The following HPS5 variants were observed in gnomAD, a reference collection of about 807,000 sequenced individuals.
HPS5 encodes the protein BLOC-2 complex member HPS5.
In HPS5, 83 loss-of-function variants were observed where a neutral mutation model predicts 128.0. The observed-to-expected ratio is 0.65, with a 90% CI of 0.54 to 0.78. The LOEUF (loss-of-function observed/expected upper bound fraction) is 0.78, where lower values mean the gene tolerates loss of function less well. Among genes scored for constraint, HPS5 ranks in the 30% least tolerant of loss-of-function variants. The probability of loss-of-function intolerance (pLI) is 0.00; values close to 1 mark genes in which losing one functional copy is unlikely to be tolerated. For synonymous variants in HPS5, 475 were observed against 470.2 expected, an observed-to-expected ratio of 1.01 and a Z score of -0.13; for missense variants, 1,281 against 1,326.2, an observed-to-expected ratio of 0.97 and a Z score of 0.53.
intron 1 of HPS5, among the ~76,000 whole-genome samples, chr11:18,319,253 T>TA (rs1864006936): frequency 5.8e-5 from 5 of 86,298 alleles, no homozygotes; most frequent in African/African-American, 2.6e-4. Flanking sequence ...AAAAGACAAA[T>TA]ACCACACACA....
intron 14 of HPS5, 106 bp from the exon 15 acceptor site, chr11:18,293,082 C>T (rs903748595): frequency 1.9e-5 from 16 of 864,856 alleles, no homozygotes; most frequent in African/African-American, 1.7e-4. Flanking sequence ...AGTGCAGTGA[C>T]GTGATCTCGG....
Position 18,285,421 on chromosome 11 carries a change from A to G in HPS5, c.2876T>C (p.Leu959Pro). Residue 959 changes from leucine (L) to proline (P), a missense_variant, in exon 20 of 23, where the codon CTG becomes CCG. Transcript: ENST00000349215. ...AGGAAGTTTAATTAGATGAAGGATC[A>G]GCTGACTGTAACCCCAGGAAAGCAA... ...SHLLSWGYSQ[L>P]ILHLIKLPAD... The G allele has an allele frequency of 6.2e-7, 1 of 1,613,468 alleles. No homozygotes were observed.
intron 11 of HPS5, 95 bp downstream of exon 11, chr11:18,297,464 A>C: frequency 8.5e-7 from 1 of 1,182,854 alleles, no homozygotes; most frequent in Non-Finnish European, 1.2e-6. Flanking sequence ...ATAAATGGAA[A>C]GGACAACAAA....
intron 6 of HPS5, 151 bp from the exon 7 acceptor site, chr11:18,306,498 G>C: frequency 1.6e-6 from 1 of 628,166 alleles, no homozygotes. Context: ...CAATAGAATG[G>C]AAAGATCAAA....
intron 8 of HPS5, among the ~76,000 whole-genome samples, chr11:18,304,697 T>G (rs1303237308): frequency 1.3e-5 from 2 of 152,216 alleles, no homozygotes; most frequent in African/African-American, 2.4e-5. Flanking sequence ...TATGACAACT[T>G]CATACAATAT....
intron 19 of HPS5, 43 bp from the exon 20 acceptor site, chr11:18,285,502 C>G (rs776546296): frequency 1.5e-6 from 2 of 1,326,694 alleles, no homozygotes; most frequent in Non-Finnish European, 2.2e-6. Context: ...AGGAAATAAA[C>G]TCTAGAAAAT....
chr11:18,297,560 T>C lies in HPS5; in HGVS notation c.1322A>G (p.His441Arg). 3 of 1,613,232 alleles carry C rather than the reference T, an allele frequency of 1.9e-6. No individual in the cohort carries two copies. Among genetic ancestry groups the C allele is most frequent in the Non-Finnish European group, 2.5e-6 (3 of 1,179,472 alleles). Residue 441 changes from histidine (H) to arginine (R), a missense_variant and splice_region_variant, in exon 11 of 23, where the codon CAT becomes CGT. Physicochemically the swap from His to Arg is conservative, Grantham distance 29. Coordinates refer to ENST00000349215, the MANE Select transcript of HPS5 (RefSeq NM_181507.2). ...TCCTTTAAAGGTGAGAATACTTACA[T>C]GTGATGAAATGGAGCTTCTTCTACT... is the stretch of plus-strand genomic sequence containing the variant. Reference protein sequence around the residue: ...CSSRRSSISSHESFSILDSGI... With the variant: ...CSSRRSSISSRESFSILDSGI...
Position 18,311,470 on chromosome 11 carries a change from T to C in HPS5, c.220-19A>G, listed in dbSNP as rs760333486. 9 of 1,486,570 alleles carry C rather than the reference T, an allele frequency of 6.1e-6. No individual in the cohort carries two copies. The highest frequency in any genetic ancestry group is 8.3e-6 in the Non-Finnish European group (9 of 1,083,132). The allele number at this position is 1,486,570 out of a possible 1,614,324, so 92.1% of individuals were successfully genotyped here. A position where few individuals can be genotyped will look rare whatever the true frequency, so the allele number is the denominator to read the frequency against. On this transcript the variant is annotated intron_variant, in intron 3 of 22. Coordinates refer to ENST00000349215, the MANE Select transcript of HPS5 (RefSeq NM_181507.2). ...CACCTTCCTAGAGCACAAAAGAAAA[T>C]ACATTTTTTAAATCTCAAGTTTTAC...
rs1860399698 is a variant in HPS5 at position 18,291,495 on chromosome 11, A to C, written c.2387T>G (p.Leu796Arg). 1 of 1,613,326 alleles carries C rather than the reference A, an allele frequency of 6.2e-7. No individual in the cohort carries two copies. The highest frequency in any genetic ancestry group is 1.3e-5 in the African/African-American group (1 of 74,894). ...NLKRAKESIK[L>R]SYSNSPSVWD... ...AACAGAAGGGCTATTACTGTAACTA[A>C]GCTTGATACTCTCCTTCGCTCTTTT... Residue 796 changes from leucine to arginine, a missense_variant, in exon 16 of 23, where the codon CTT becomes CGT. Leu to Arg is a moderately radical substitution (Grantham distance 102). Transcript: ENST00000349215.
chr11:18,300,232 G>A (rs891302514), intron 9 of HPS5, among the ~76,000 whole-genome samples: 3 of 151,444 alleles, frequency 2.0e-5, no homozygotes, highest in African/African-American at 7.3e-5. Flanking sequence ...CATATTATGG[G>A]GTACATATTT....
At chr11:18,304,321 A>G (rs1862096651) in intron 8 of HPS5, among the ~76,000 whole-genome samples, 1 of 151,358 alleles carries the variant, frequency 6.6e-6, no homozygotes, top group Admixed American at 6.6e-5. Flanking sequence ...GGTTCAAGCG[A>G]TTCTCCTGCC....
rs1425077095 is a variant in HPS5, at chr11:18,317,254, TA to T, written c.108+496del. Among the ~76,000 whole-genome samples, 14 of 132,958 alleles carry T rather than the reference TA, an allele frequency of 1.1e-4. 1 individual carries two copies. The Admixed American group carries it at 1.1e-3, about 10-fold the overall frequency. The allele number at this position is 132,958 out of a possible 152,430, so 87.2% of individuals were successfully genotyped here. On this transcript the variant is annotated intron_variant, in intron 2 of 22. Transcript: ENST00000349215. ...CATTCCAATGCTTCTCCGGGCCTGA[TA>T]AATTTTTTTTTTTTTTTTTTGAGAG...
At chr11:18,305,373 A>G (rs758562034) in intron 8 of HPS5, 49 bp downstream of exon 8, 1 of 1,220,208 alleles carries the variant, frequency 8.2e-7, no homozygotes, top group East Asian at 2.3e-5. Flanking sequence ...AGAGATAAAA[A>G]TCTAAGTATT....
intron 7 of HPS5, among the ~76,000 whole-genome samples, chr11:18,305,906 G>C (rs1384948093): frequency 6.6e-6 from 1 of 150,836 alleles, no homozygotes; most frequent in African/African-American, 2.4e-5. Flanking sequence ...AATTTTGTTT[G>C]TATTTTTGGT....
chr11:18,319,185 T>G (rs903614754), intron 1 of HPS5, among the ~76,000 whole-genome samples: 6 of 151,010 alleles, frequency 4.0e-5, no homozygotes, highest in Non-Finnish European at 7.4e-5. Flanking sequence ...CCAGGCACAG[T>G]GGTAAAAATA....
intron 6 of HPS5, among the ~76,000 whole-genome samples, chr11:18,307,877 C>T (rs779104223): frequency 2.6e-5 from 4 of 152,238 alleles, no homozygotes; most frequent in East Asian, 1.9e-4. Flanking sequence ...ACAGAAAGCA[C>T]GTCTAAACAT....
In HPS5 at chr11:18,286,625, T is replaced by G; in HGVS notation, c.2803A>C (p.Ser935Arg). 6.2e-7 allele frequency: 1 copy of G among 1,613,960 alleles called. No homozygotes were observed. Among genetic ancestry groups the G allele is most frequent in the Non-Finnish European group, 8.5e-7 (1 of 1,179,992 alleles). ...LLAVSLDAPPSTSTMDDEGYP... is the reference protein window; with the variant it reads ...LLAVSLDAPPRTSTMDDEGYP... ...CCTTCATCATCCATTGTGCTGGTGC[T>G]TGGTGGAGCATCAAGGGACACTGCC... is the stretch of plus-strand genomic sequence containing the variant. The change falls in exon 19 of 23, where the codon AGC becomes CGC. Residue 935 changes from serine (S) to arginine (R), a missense_variant. Coordinates refer to ENST00000349215, the MANE Select transcript of HPS5 (RefSeq NM_181507.2).
rs1860607454 is a variant in HPS5 at position 18,292,979 on chromosome 11, A to G, written c.1785-3T>C. The G allele has an allele frequency of 1.2e-6, 2 of 1,611,562 alleles. No individual in the cohort carries two copies. The highest frequency in any genetic ancestry group is 1.3e-5 in the African/African-American group (1 of 74,754). On this transcript the variant is annotated splice_region_variant and splice_polypyrimidine_tract_variant and intron_variant, in intron 14 of 22. Transcript: ENST00000349215. ...GACTAGTTACCTCTTTTTCCTCCCT[A>G]AAAAAGTGTGCAAAATAACAATAAC... is the stretch of plus-strand genomic sequence containing the variant.
chr11:18,318,936 G>C (rs956330530), intron 1 of HPS5, among the ~76,000 whole-genome samples: 1 of 150,212 alleles, frequency 6.7e-6, no homozygotes, highest in African/African-American at 2.5e-5. Context: ...ACTTTCTAGT[G>C]GCAAAACGAA....
Sources: allele counts gnomAD v4.1 joint callset (sites outside exome capture counted in the v4.1 genomes callset), GRCh38; gene constraint gnomAD v4.1.1; transcripts MANE v1.5; gene names NCBI Gene and HGNC (gene_info 2026-07-23, HGNC 2026-07-21).